Variants in NCBP3 observed in about 807,000 individuals in gnomAD.
NCBP3 encodes the protein nuclear cap-binding protein subunit 3.
Under a neutral mutation model 75.7 loss-of-function variants are expected in NCBP3, and 20 were observed. The observed-to-expected ratio is 0.26, with a 90% CI of 0.19 to 0.38. The LOEUF (loss-of-function observed/expected upper bound fraction) is 0.38, where lower values mean the gene tolerates loss of function less well. Ranked by LOEUF, NCBP3 falls within the 10% of genes least tolerant of loss-of-function variation. NCBP3 has a pLI of 1.00. For missense variants in NCBP3, 678 were observed against 796.9 expected (o/e 0.85, Z 1.80); for synonymous variants, 293 against 290.5 (o/e 1.01, Z -0.09).
intron 1 of NCBP3, among the ~76,000 whole-genome samples, chr17:3,844,588 G>A (rs172645): frequency 6.6e-6 from 1 of 152,200 alleles, no homozygotes; most frequent in African/African-American, 2.4e-5. Context: ...CAATGGCTCA[G>A]GCCTGTAATC....
chr17:3,819,840 T>C (rs1429739078), intron 9 of NCBP3, among the ~76,000 whole-genome samples: 3 of 152,090 alleles, frequency 2.0e-5, no homozygotes, highest in Non-Finnish European at 4.4e-5. Flanking sequence ...GTACTAGAAA[T>C]AGGGGCAATT....
In NCBP3 at chr17:3,840,260, CA is replaced by C. The variant is rs368397813; in HGVS notation, c.250-56del. ...AAAATATGGAGAAGGCGAGTTAAAT[CA>C]CACATGCATCATGATGCATCAGTGA... On this transcript the variant is annotated intron_variant, in intron 2 of 12. Coordinates refer to ENST00000389005, the MANE Select transcript of NCBP3 (RefSeq NM_001114118.3). 990 of 1,401,026 alleles carry C rather than the reference CA, an allele frequency of 7.1e-4. 6 individuals are homozygous for C. In the African/African-American group the frequency reaches 0.012, roughly 16 times the overall value. The allele number at this position is 1,401,026 out of a possible 1,614,324, so 86.8% of individuals were successfully genotyped here. A position where few individuals can be genotyped will look rare whatever the true frequency, so the allele number is the denominator to read the frequency against.
At position 3,814,477 on chromosome 17, in the gene NCBP3, C is replaced by T. The variant is rs184111975; in HGVS notation, c.1472G>A (p.Arg491His). The change falls in exon 12 of 13, where the codon CGC becomes CAC. Residue 491 changes from arginine (R) to histidine (H), a missense_variant. Around this residue, in one of 7 missense-constraint regions of NCBP3, gnomAD observed 365 missense variants for 392.7 expected, o/e 0.93. Transcript: ENST00000389005. Reference protein sequence around the residue: ...PPVSSTKSDIRQRLGKRPHSP... With the variant: ...PPVSSTKSDIHQRLGKRPHSP... ...ATGTGGTCTTTTTCCTAACCGCTGG[C>T]GTATATCTGAAAAAAGAGAAAAAGT... 3.1e-6 allele frequency: 5 copies of T among 1,613,880 alleles called. No homozygotes were observed. Among genetic ancestry groups the T allele is most frequent in the Middle Eastern group, 1.7e-4 (1 of 6,028 alleles).
At chr17:3,830,560 C>A (rs1172750012) in intron 3 of NCBP3, among the ~76,000 whole-genome samples, 1 of 152,150 alleles carries the variant, frequency 6.6e-6, no homozygotes, top group East Asian at 1.9e-4. Context: ...AGGCTATGGT[C>A]AAAAAAGAAA....
chr17:3,841,770 T>C (rs1421799011), intron 2 of NCBP3, among the ~76,000 whole-genome samples: 4 of 147,724 alleles, frequency 2.7e-5, no homozygotes, highest in South Asian at 2.2e-4. Context: ...GAGGCAGAGG[T>C]TGCAGTGAGC....
rs540998629 is a variant in NCBP3 at position 3,820,417 on chromosome 17, T to C, written c.1000+832A>G. Among the ~76,000 whole-genome samples the C allele has an allele frequency of 3.2e-3, 483 of 152,310 alleles. 1 individual carries two copies. The highest frequency in any genetic ancestry group is 5.3e-3 in the Non-Finnish European group (362 of 68,020). On this transcript the variant is annotated intron_variant, in intron 9 of 12. Transcript: ENST00000389005. ...TCTATTAGGCATGTAGAAGATTCCA[T>C]AGATTAGGCTCAAAACAAGAACAAT...
intron 3 of NCBP3, among the ~76,000 whole-genome samples, chr17:3,833,723 C>T (rs373385194): frequency 3.9e-5 from 6 of 151,934 alleles, no homozygotes; most frequent in East Asian, 1.9e-4. Flanking sequence ...TATTTCTTCA[C>T]CTGTATGTAG....
At position 3,812,811 on chromosome 17, in the gene NCBP3, G is replaced by A. The variant is rs1439235379; in HGVS notation, c.*233C>T. ...TTTTCTCAAAGGGTAAAGCCTGTGG[G>A]GTGGTGGGAAAGGAATCGAGGGCCC... On this transcript the variant is annotated 3_prime_UTR_variant, in exon 13 of 13. Transcript: ENST00000389005. 1 of 1,372,224 alleles carries A rather than the reference G, an allele frequency of 7.3e-7. No homozygotes were observed. Among genetic ancestry groups the A allele is most frequent in the Non-Finnish European group, 9.4e-7 (1 of 1,061,580 alleles). The allele number at this position is 1,372,224 out of a possible 1,614,324, so 85.0% of individuals were successfully genotyped here. A position where few individuals can be genotyped will look rare whatever the true frequency, so the allele number is the denominator to read the frequency against.
intron 12 of NCBP3, among the ~76,000 whole-genome samples, chr17:3,813,824 C>T (rs1452148234): frequency 3.9e-5 from 6 of 152,024 alleles, no homozygotes; most frequent in South Asian, 2.1e-4. Flanking sequence ...CCACCACGCC[C>T]GGCTCATTTT....
In NCBP3 at chr17:3,810,623, T is replaced by C. The variant is rs1229212395; in HGVS notation, c.*2421A>G. The C allele has an allele frequency of 6.6e-6, 1 of 152,146 alleles. No individual in the cohort carries two copies. The allele number at this position is 152,146 out of a possible 1,614,324, so 9.4% of individuals were successfully genotyped here. A position where few individuals can be genotyped will look rare whatever the true frequency, so the allele number is the denominator to read the frequency against. On this transcript the variant is annotated 3_prime_UTR_variant, in exon 13 of 13. Coordinates refer to ENST00000389005, the MANE Select transcript of NCBP3 (RefSeq NM_001114118.3). ...CATCATTCAGGACACACTCAAGATGTTGCAAGATCTGAGTGACTGAGAGTG... is the reference window on the plus strand; with the variant it reads ...CATCATTCAGGACACACTCAAGATGCTGCAAGATCTGAGTGACTGAGAGTG...
intron 11 of NCBP3, among the ~76,000 whole-genome samples, chr17:3,815,806 A>G (rs963928725): frequency 1.3e-5 from 2 of 152,198 alleles, no homozygotes; most frequent in Non-Finnish European, 2.9e-5. Context: ...GTCACTTTAT[A>G]TAAGGGACTT....
intron 1 of NCBP3, 92 bp from the exon 2 acceptor site, chr17:3,843,243 CTTTTTTT>C (rs5818919): frequency 9.4e-5 from 65 of 694,606 alleles, no homozygotes; most frequent in Non-Finnish European, 1.3e-4. Context: ...TTCTTTTTTC[CTTTTTTT>C]TTTTTTTTTG....
intron 4 of NCBP3, among the ~76,000 whole-genome samples, chr17:3,826,863 A>G (rs141862222): frequency 0.03 from 4,527 of 151,952 alleles, 113 homozygotes; most frequent in African/African-American, 0.066. Context: ...AATACAAAAA[A>G]TTAGCCGGGC....
In NCBP3 at chr17:3,813,105, A is replaced by G; in HGVS notation, c.1802T>C (p.Leu601Ser). Reference protein sequence around the residue: ...SRQKKSRLDNLPSLQIEVSRE... With the variant: ...SRQKKSRLDNSPSLQIEVSRE... ...ACTAACTTCAATCTGGAGAGATGGT[A>G]AGTTATCTAACCGGCTCTTCTTTTG... The change falls in exon 13 of 13, where the codon TTA (leucine) becomes TCA (serine). Residue 601 changes from leucine to serine, a missense_variant. Leu to Ser is a moderately radical substitution (Grantham distance 145). Coordinates refer to ENST00000389005, the MANE Select transcript of NCBP3 (RefSeq NM_001114118.3). 6.2e-7 allele frequency: 1 copy of G among 1,614,216 alleles called. No homozygotes were observed. The highest frequency in any genetic ancestry group is 8.5e-7 in the Non-Finnish European group (1 of 1,180,034).
intron 4 of NCBP3, among the ~76,000 whole-genome samples, chr17:3,828,826 C>T (rs1037860162): frequency 1.3e-5 from 2 of 152,112 alleles, no homozygotes; most frequent in East Asian, 3.8e-4. Context: ...ATCTCTAGGT[C>T]AGAGACACAG....
chr17:3,828,834 C>A (rs2053830195), intron 4 of NCBP3, among the ~76,000 whole-genome samples: 1 of 152,170 alleles, frequency 6.6e-6, no homozygotes, highest in South Asian at 2.1e-4. Context: ...GTCAGAGACA[C>A]AGGCAGAGTC....
At chr17:3,842,177 C>A (rs1484847685) in intron 2 of NCBP3, among the ~76,000 whole-genome samples, 1 of 152,170 alleles carries the variant, frequency 6.6e-6, no homozygotes, top group Non-Finnish European at 1.5e-5. Context: ...GGAATCCCAG[C>A]ACTTCGGGAG....
intron 2 of NCBP3, among the ~76,000 whole-genome samples, chr17:3,842,148 G>A (rs569873990): frequency 2.0e-5 from 3 of 152,250 alleles, no homozygotes; most frequent in South Asian, 2.1e-4. Flanking sequence ...CTATTATGCC[G>A]ACACGGTGGC....
rs529390767 is a variant in NCBP3, at chr17:3,841,169, G to A, written c.250-964C>T. ...TTTTTGTATTTTTAGTAGAGACGGG[G>A]TTTCACCATGTTGGCCAGGATGGTC... is the stretch of plus-strand genomic sequence containing the variant. On this transcript the variant is annotated intron_variant, in intron 2 of 12. Transcript: ENST00000389005. Among the ~76,000 whole-genome samples, 30 of 152,192 alleles carry A rather than the reference G, an allele frequency of 2.0e-4. No homozygotes were observed. In the South Asian group the frequency reaches 5.8e-3, roughly 30 times the overall value.
Sources: gnomAD v4.1 joint callset for allele counts (sites outside exome capture counted in the v4.1 genomes callset) on GRCh38, gnomAD v4.1.1 for gene constraint, gnomAD v4.1.1 regional missense constraint, MANE v1.5 for transcripts, NCBI Gene and HGNC (gene_info 2026-07-23, HGNC 2026-07-21) for gene names.